HTR3D: variants seen among roughly 807,000 people sequenced by gnomAD.
HTR3D encodes 5-hydroxytryptamine (serotonin) receptor 3 family member D.
Under a neutral mutation model 45.8 loss-of-function variants are expected in HTR3D, and 47 were observed. The observed-to-expected ratio is 1.03, with a 90% CI of 0.81 to 1.31. HTR3D has a LOEUF of 1.31. Among genes scored for constraint, HTR3D ranks in the 50% most tolerant of loss-of-function variants. The probability of loss-of-function intolerance (pLI) is 0.00; values close to 1 mark genes in which losing one functional copy is unlikely to be tolerated. For synonymous variants in HTR3D, 203 were observed against 199.8 expected, an observed-to-expected ratio of 1.02 and a Z score of -0.13; for missense variants, 448 against 506.9, an observed-to-expected ratio of 0.88 and a Z score of 1.12.
rs1722913093 is a variant in HTR3D at position 184,036,803 on chromosome 3, C to G, written c.423C>G (p.Phe141Leu). The G allele has an allele frequency of 6.4e-7, 1 of 1,551,892 alleles. No homozygotes were observed. The highest frequency in any genetic ancestry group is 8.7e-7 in the Non-Finnish European group (1 of 1,147,058). ...RSFQIHHRTS[F>L]RTRREWVLLG... ...TTCAAATACATCACAGAACCTCATT[C>G]AGAACAAGGAGGGAGTGGGTACTGC... Residue 141 changes from phenylalanine to leucine, a missense_variant, in exon 5 of 8, where the codon TTC becomes TTG. Coordinates refer to ENST00000428798, the MANE Select transcript of HTR3D (RefSeq NM_001145143.1).
chr3:184,038,733 T>C lies in HTR3D; in HGVS notation c.986-13T>C, dbSNP rs1257952538. ...CATTTGCAGCCCATGGCTGAGTCTC[T>C]GTCTTTCTGTAGGTGTGAAGGAGCC... On this transcript the variant is annotated splice_polypyrimidine_tract_variant and intron_variant, in intron 7 of 7. Transcript: ENST00000428798. This position sits in a 1 kb window ranked among gnomAD's most constrained non-coding sequence, Gnocchi z 4.5. 1.9e-6 allele frequency: 3 copies of C among 1,576,376 alleles called. No homozygotes were observed. The highest frequency in any genetic ancestry group is 3.6e-5 in the Admixed American group (2 of 54,976).
In HTR3D at chr3:184,036,877, A is replaced by G; in HGVS notation, c.497A>G (p.Tyr166Cys). Residue 166 changes from tyrosine (Y) to cysteine (C), a missense_variant, in exon 5 of 8, where the codon TAT (tyrosine) becomes TGT (cysteine). Physicochemically the swap from Tyr to Cys is radical, Grantham distance 194 (BLOSUM62 -2). Transcript: ENST00000428798. ...AAGGTGACCGTGGCCACTAACCAGT[A>G]TGAACAAGCCATCTTCCATGTGAGC... Reference protein sequence around the residue: ...TIKVTVATNQYEQAIFHVAIR... With the variant: ...TIKVTVATNQCEQAIFHVAIR... 6.4e-7 allele frequency: 1 copy of G among 1,551,550 alleles called. No homozygotes were observed. The highest frequency in any genetic ancestry group is 8.7e-7 in the Non-Finnish European group (1 of 1,146,898).
rs756034423 is a variant in HTR3D at position 184,038,229 on chromosome 3, A to G, written c.725A>G (p.His242Arg). The change falls in exon 6 of 8, where the codon CAT (histidine) becomes CGT (arginine). Residue 242 changes from histidine (H) to arginine (R), a missense_variant. By Grantham distance (29) the His-to-Arg change is conservative. Coordinates refer to ENST00000428798, the MANE Select transcript of HTR3D (RefSeq NM_001145143.1). The surrounding 1 kb of genome is among the most constrained non-coding windows in gnomAD (Gnocchi z 4.5). ...CTCCCAGCCACTAGCACTTCATCAC[A>G]TGCTTCACTAGTACGTCCTCATCCA... ...DLLPATSTSS[H>R]ASLVRPHPSR... 9.9e-6 allele frequency: 16 copies of G among 1,614,204 alleles called. No homozygotes were observed. The highest frequency in any genetic ancestry group is 6.6e-5 in the South Asian group (6 of 91,084).
In HTR3D at chr3:184,038,408, G is replaced by C. The variant is rs370819412; in HGVS notation, c.770-1G>C. On this transcript the variant is annotated splice_acceptor_variant, in intron 6 of 7. Coordinates refer to ENST00000428798, the MANE Select transcript of HTR3D (RefSeq NM_001145143.1). LOFTEE classifies it high-confidence loss of function. This position sits in a 1 kb window ranked among gnomAD's most constrained non-coding sequence, Gnocchi z 4.5. ...CCTCATGCAGACCCCCTTGCCTGCA[G>C]GTGTCTACTTCGCCCTGTGCCTGTC... 13 of 1,614,048 alleles carry C rather than the reference G, an allele frequency of 8.1e-6. No individual in the cohort carries two copies. The highest frequency in any genetic ancestry group is 3.3e-5 in the Admixed American group (2 of 59,992).
chr3:184,037,037 C>T lies in HTR3D; in HGVS notation c.516+141C>T, dbSNP rs78322681. 1.4e-5 allele frequency: 8 copies of T among 562,314 alleles called. 1 individual carries two copies. Among genetic ancestry groups the T allele is most frequent in the East Asian group, 1.3e-4 (4 of 30,196 alleles). 34.8% of individuals were successfully genotyped at this position (562,314 alleles called of 1,614,324 possible). On this transcript the variant is annotated intron_variant, in intron 5 of 7. Coordinates refer to ENST00000428798, the MANE Select transcript of HTR3D (RefSeq NM_001145143.1). Reference sequence around the variant, plus strand: ...ACCACGAAGCCCGGCCTTTGTCACTCTTTTTTTTTTTTTAAATTTGAGATA... The same window carrying T: ...ACCACGAAGCCCGGCCTTTGTCACTTTTTTTTTTTTTTTAAATTTGAGATA...
At chr3:184,031,882 T>C (rs1249575667) in intron 1 of HTR3D, 75 bp downstream of exon 1, 2 of 1,012,236 alleles carry the variant, frequency 2.0e-6, no homozygotes, top group Non-Finnish European at 1.5e-6. Context: ...TAATATTTTT[T>C]ATTCTGAGAT....
Position 184,038,259 on chromosome 3 carries a change from G to A in HTR3D, c.755G>A (p.Arg252Lys), listed in dbSNP as rs367574039. ...HASLVRPHPS[R>K]DQKRGVYFAL... ...TCACTAGTACGTCCTCATCCATCAA[G>A]AGACCAAAAGCGAGGTGTGTGTTGG... is the stretch of plus-strand genomic sequence containing the variant. Residue 252 changes from arginine (R) to lysine (K), a missense_variant, in exon 6 of 8, where the codon AGA becomes AAA. By Grantham distance (26) the Arg-to-Lys change is conservative. Coordinates refer to ENST00000428798, the MANE Select transcript of HTR3D (RefSeq NM_001145143.1). The surrounding 1 kb of genome is among the most constrained non-coding windows in gnomAD (Gnocchi z 4.5). The A allele has an allele frequency of 3.7e-6, 6 of 1,614,092 alleles. No individual in the cohort carries two copies. The highest frequency in any genetic ancestry group is 2.2e-5 in the East Asian group (1 of 44,892).
chr3:184,036,084 G>A lies in HTR3D; in HGVS notation c.181G>A (p.Val61Ile), dbSNP rs188854019. The A allele has an allele frequency of 1.4e-3, 2,226 of 1,551,436 alleles. 1 individual carries two copies. Among genetic ancestry groups the A allele is most frequent in the Non-Finnish European group, 1.8e-3 (2,073 of 1,146,916 alleles). ...AACTGAGAACCTATGGCTTTCAGAT[G>A]TCTTCATCGAGGAGTCGTGAGTCTC... is the stretch of plus-strand genomic sequence containing the variant. ...MATENLWLSD[V>I]FIEESVDQTP... Residue 61 changes from valine (V) to isoleucine (I), a missense_variant, in exon 3 of 8, where the codon GTC (valine) becomes ATC (isoleucine). Coordinates refer to ENST00000428798, the MANE Select transcript of HTR3D (RefSeq NM_001145143.1).
intron 1 of HTR3D, 139 bp downstream of exon 1, chr3:184,031,946 C>A (rs1722761017): frequency 1.7e-6 from 1 of 593,614 alleles, no homozygotes. Flanking sequence ...ACACTGATGG[C>A]TTTGTACCTC....
In HTR3D at chr3:184,036,800, A is replaced by AT; in HGVS notation, c.422dup (p.Arg142GlnfsTer23). The AT allele has an allele frequency of 6.4e-7, 1 of 1,552,082 alleles. No individual in the cohort carries two copies. Among genetic ancestry groups the AT allele is most frequent in the Non-Finnish European group, 8.7e-7 (1 of 1,147,064 alleles). On this transcript the variant is annotated frameshift_variant, in exon 5 of 8. Coordinates refer to ENST00000428798, the MANE Select transcript of HTR3D (RefSeq NM_001145143.1). LOFTEE classifies it high-confidence loss of function. ...GCTTTCAAATACATCACAGAACCTC[A>AT]TTCAGAACAAGGAGGGAGTGGGTAC...
At chr3:184,035,940 G>A (rs776398576) in intron 2 of HTR3D, 75 bp from the exon 3 acceptor site, 37 of 1,450,180 alleles carry the variant, frequency 2.6e-5, no homozygotes, top group Middle Eastern at 3.6e-4. Context: ...TGATCCCCCC[G>A]CCTCAGCCTT....
rs1000952 is a variant in HTR3D at position 184,038,034 on chromosome 3, G to A, written c.530G>A (p.Arg177His). 1,032,923 of 1,613,502 alleles carry A rather than the reference G, an allele frequency of 0.64. 335,206 individuals carry two copies. The highest frequency in any genetic ancestry group is 0.93 in the East Asian group (41,745 of 44,874). The change falls in exon 6 of 8, where the codon CGC becomes CAC. Residue 177 changes from arginine (R) to histidine (H), a missense_variant. Transcript: ENST00000428798. This position sits in a 1 kb window ranked among gnomAD's most constrained non-coding sequence, Gnocchi z 4.5. ...CCTCCCCACCAGGTGGCCATCAGGC[G>A]CAGGTGCAGGCCCAGCCCCTACGTG... ...EQAIFHVAIR[R>H]RCRPSPYVVN...
chr3:184,036,969 C>A (rs1357167113), intron 5 of HTR3D, 73 bp downstream of exon 5: 3 of 1,444,650 alleles, frequency 2.1e-6, no homozygotes, highest in Non-Finnish European at 1.9e-6. Flanking sequence ...TTCAGGTGAT[C>A]CGCCCGCCTC....
chr3:184,038,176 C>A lies in HTR3D; in HGVS notation c.672C>A (p.Ser224Arg), dbSNP rs55684978. The change falls in exon 6 of 8, where the codon AGC (serine) becomes AGA (arginine). Residue 224 changes from serine (S) to arginine (R), a missense_variant. By Grantham distance (110) the Ser-to-Arg change is moderately radical. Transcript: ENST00000428798. This position sits in a 1 kb window ranked among gnomAD's most constrained non-coding sequence, Gnocchi z 4.5. Reference protein sequence around the residue: ...PFKMTVLLGYSVFLLMMNDLL... With the variant: ...PFKMTVLLGYRVFLLMMNDLL... ...AGATGACTGTTCTGCTGGGCTACAG[C>A]GTCTTCCTGCTCATGATGAATGACT... The A allele has an allele frequency of 1.2e-6, 2 of 1,614,024 alleles. No individual in the cohort carries two copies. The highest frequency in any genetic ancestry group is 1.7e-6 in the Non-Finnish European group (2 of 1,180,032).
chr3:184,034,564 AG>A (rs1722830256), intron 1 of HTR3D, among the ~76,000 whole-genome samples: 1 of 152,206 alleles, frequency 6.6e-6, no homozygotes, highest in African/African-American at 2.4e-5. Context: ...AAAATGGTTA[AG>A]AGAGTACATT....
rs747727930 is a variant in HTR3D at position 184,038,561 on chromosome 3, T to A, written c.922T>A (p.Cys308Ser). The change falls in exon 7 of 8, where the codon TGC (cysteine) becomes AGC (serine). Residue 308 changes from cysteine to serine, a missense_variant. Coordinates refer to ENST00000428798, the MANE Select transcript of HTR3D (RefSeq NM_001145143.1). The surrounding 1 kb of genome is among the most constrained non-coding windows in gnomAD (Gnocchi z 4.5). ...GCTGCACTGCACCGGCCAAGGGAGA[T>A]GCTGTCCCACTGCGCCCCAGAAGGG... ...LLLHCTGQGR[C>S]CPTAPQKGNK... is the part of the protein sequence containing the mutation. The A allele has an allele frequency of 3.7e-6, 6 of 1,613,846 alleles. No individual in the cohort carries two copies. The highest frequency in any genetic ancestry group is 4.2e-6 in the Non-Finnish European group (5 of 1,180,030).
rs200751121 is a variant in HTR3D at position 184,038,274 on chromosome 3, G to T, written c.769+1G>T. 34 of 1,613,942 alleles carry T rather than the reference G, an allele frequency of 2.1e-5. No individual in the cohort carries two copies. The Admixed American group carries it at 2.2e-4, about 10-fold the overall frequency. On this transcript the variant is annotated splice_donor_variant, in intron 6 of 7. Coordinates refer to ENST00000428798, the MANE Select transcript of HTR3D (RefSeq NM_001145143.1). LOFTEE classifies it high-confidence loss of function. The surrounding 1 kb of genome is among the most constrained non-coding windows in gnomAD (Gnocchi z 4.5). ...CATCCATCAAGAGACCAAAAGCGAG[G>T]TGTGTGTTGGATGGGGAGAGGGATG...
chr3:184,036,697 C>T, intron 4 of HTR3D, 51 bp from the exon 5 acceptor site: 1 of 1,555,050 alleles, frequency 6.4e-7, no homozygotes, highest in Middle Eastern at 1.7e-4. Context: ...GACTTGGGCG[C>T]ATTTGGGGAG....
At chr3:184,035,265 C>T in intron 2 of HTR3D, 43 bp downstream of exon 2, 1 of 1,505,840 alleles carries the variant, frequency 6.6e-7, no homozygotes, top group Non-Finnish European at 9.1e-7. Flanking sequence ...TCTGGTGCCT[C>T]TCTTTTTTCC....
Sources: allele counts gnomAD v4.1 joint callset (sites outside exome capture counted in the v4.1 genomes callset), GRCh38; gene constraint gnomAD v4.1.1; non-coding constraint Gnocchi (gnomAD v3.1); transcripts MANE v1.5; gene names NCBI Gene and HGNC (gene_info 2026-07-23, HGNC 2026-07-21).